DLGAP2: variants seen among roughly 807,000 people sequenced by gnomAD.
DLGAP2 encodes disks large-associated protein 2.
Under a neutral mutation model 100.3 loss-of-function variants are expected in DLGAP2, and 26 were observed. The observed-to-expected ratio is 0.26, with a 90% CI of 0.19 to 0.36. DLGAP2 has a LOEUF of 0.36. Among genes scored for constraint, DLGAP2 ranks in the 10% least tolerant of loss-of-function variants. The pLI, the probability that DLGAP2 is intolerant of heterozygous loss-of-function variation, is 1.00. For synonymous variants in DLGAP2, 886 were observed against 630.1 expected, an observed-to-expected ratio of 1.41 and a Z score of -6.08; for missense variants, 1,858 against 1,453.2, an observed-to-expected ratio of 1.28 and a Z score of -4.53.
chr8:796,798 C>T (rs910961536), intron 1 of DLGAP2, among the ~76,000 whole-genome samples: 3 of 152,200 alleles, frequency 2.0e-5, no homozygotes, highest in African/African-American at 7.2e-5. Flanking sequence ...GCTACATCTC[C>T]ACTGGCACCA....
intron 1 of DLGAP2, among the ~76,000 whole-genome samples, chr8:817,090 A>T (rs1268887828): frequency 6.6e-6 from 1 of 150,712 alleles, no homozygotes; most frequent in African/African-American, 2.4e-5. Flanking sequence ...TCAGTGAGCC[A>T]AGATCGCGCC....
At chr8:1,090,654 A>G (rs985808786) in intron 2 of DLGAP2, among the ~76,000 whole-genome samples, 2 of 152,208 alleles carry the variant, frequency 1.3e-5, no homozygotes, top group Non-Finnish European at 2.9e-5. Context: ...GGGCCTCCAG[A>G]GGCTGCTGTG....
At chr8:834,134 T>G (rs1274695512) in intron 1 of DLGAP2, among the ~76,000 whole-genome samples, 1 of 152,148 alleles carries the variant, frequency 6.6e-6, no homozygotes, top group Non-Finnish European at 1.5e-5. Context: ...AGCAAGCTCG[T>G]CTCAGGATGC....
intron 6 of DLGAP2, among the ~76,000 whole-genome samples, chr8:1,569,392 T>C (rs1226441204): frequency 6.6e-6 from 1 of 152,232 alleles, no homozygotes; most frequent in Non-Finnish European, 1.5e-5. Context: ...AGCAGCCATG[T>C]GATGGGTCTG....
At chr8:1,025,086 G>A (rs187555802) in intron 2 of DLGAP2, among the ~76,000 whole-genome samples, 12 of 151,814 alleles carry the variant, frequency 7.9e-5, no homozygotes, top group South Asian at 2.1e-4. Flanking sequence ...GTGTGTGTGC[G>A]CGTGTATGTG....
chr8:949,573 C>T (rs1472602712), intron 2 of DLGAP2, among the ~76,000 whole-genome samples: 1 of 152,188 alleles, frequency 6.6e-6, no homozygotes, highest in Admixed American at 6.5e-5. Context: ...CACGTGGGCG[C>T]GTGCCAGGGC....
Position 1,670,368 on chromosome 8 carries a change from C to T in DLGAP2, c.2202+584C>T, listed in dbSNP as rs1256805642. Reference sequence around the variant, plus strand: ...GGTCAGCCCTCTTCCGCTCCCAGCTCCCACCCCTGGCATGGCAGCCTCTGC... The same window carrying T: ...GGTCAGCCCTCTTCCGCTCCCAGCTTCCACCCCTGGCATGGCAGCCTCTGC... On this transcript the variant is annotated intron_variant, in intron 10 of 14. Transcript: ENST00000637795. Among the ~76,000 whole-genome samples, 3 of 152,216 alleles carry T rather than the reference C, an allele frequency of 2.0e-5. 1 individual carries two copies. Among genetic ancestry groups the T allele is most frequent in the Non-Finnish European group, 4.4e-5 (3 of 68,042 alleles).
At chr8:1,464,353 C>CCTTTTAGGACGACACT (rs1798557590) in intron 3 of DLGAP2, among the ~76,000 whole-genome samples, 1 of 146,250 alleles carries the variant, frequency 6.8e-6, no homozygotes, top group African/African-American at 2.5e-5. Context: ...AGGACGGCAC[C>CCTTTTAGGACGACACT]CTTCCAGGAC....
chr8:1,421,204 A>G (rs1157188106), intron 3 of DLGAP2, among the ~76,000 whole-genome samples: 1 of 152,228 alleles, frequency 6.6e-6, no homozygotes, highest in Non-Finnish European at 1.5e-5. Context: ...TAGCTCTAAC[A>G]TCTGAGTGTT....
At chr8:1,589,670 A>T (rs1377702834) in intron 6 of DLGAP2, among the ~76,000 whole-genome samples, 1 of 152,104 alleles carries the variant, frequency 6.6e-6, no homozygotes, top group Non-Finnish European at 1.5e-5. Context: ...CTGGTCTCAA[A>T]CTCCTGGGCT....
At chr8:1,048,237 T>A (rs952673634) in intron 2 of DLGAP2, among the ~76,000 whole-genome samples, 5 of 152,132 alleles carry the variant, frequency 3.3e-5, no homozygotes, top group Admixed American at 2.6e-4. Context: ...CCGGCGCGTG[T>A]TCTCATTCCA....
At chr8:878,401 C>T (rs201078010) in intron 1 of DLGAP2, among the ~76,000 whole-genome samples, 2 of 152,160 alleles carry the variant, frequency 1.3e-5, no homozygotes. Context: ...ATGCTTTGCT[C>T]TTCCTTGTGA....
At chr8:921,838 C>G (rs1417032996) in intron 2 of DLGAP2, among the ~76,000 whole-genome samples, 2 of 152,258 alleles carry the variant, frequency 1.3e-5, no homozygotes, top group Non-Finnish European at 2.9e-5. Flanking sequence ...CCAGGGTCCT[C>G]ACCCACCGCT....
chr8:1,190,595 C>A (rs1797612621), intron 2 of DLGAP2, among the ~76,000 whole-genome samples: 1 of 152,188 alleles, frequency 6.6e-6, no homozygotes, highest in Non-Finnish European at 1.5e-5. Flanking sequence ...TCGCAATCAG[C>A]ATTGAGAGCC....
chr8:1,188,286 C>T (rs1181327261), intron 2 of DLGAP2, among the ~76,000 whole-genome samples: 2 of 133,866 alleles, frequency 1.5e-5, no homozygotes, highest in Non-Finnish European at 3.1e-5. Context: ...GTGACGTTTG[C>T]CTCACAGAAT....
chr8:909,789 A>G (rs1424849483), intron 2 of DLGAP2, among the ~76,000 whole-genome samples: 1 of 152,226 alleles, frequency 6.6e-6, no homozygotes, highest in Non-Finnish European at 1.5e-5. Flanking sequence ...GTGTAAGTCC[A>G]TGCAGAATGG....
intron 6 of DLGAP2, among the ~76,000 whole-genome samples, chr8:1,577,692 CA>C (rs1563232482): frequency 6.6e-6 from 1 of 152,138 alleles, no homozygotes; most frequent in African/African-American, 2.4e-5. Flanking sequence ...GGTGTCCCTG[CA>C]GCAGGGACAG....
intron 4 of DLGAP2, among the ~76,000 whole-genome samples, chr8:1,509,693 T>C (rs994509652): frequency 1.3e-5 from 2 of 152,138 alleles, no homozygotes; most frequent in African/African-American, 4.8e-5. Context: ...TCATTCTTTG[T>C]TTGTTAACAA....
intron 2 of DLGAP2, among the ~76,000 whole-genome samples, chr8:973,310 C>A (rs1196985381): frequency 6.6e-6 from 1 of 151,384 alleles, no homozygotes; most frequent in Non-Finnish European, 1.5e-5. Context: ...CCCCCCACCT[C>A]CCAGACAGGG....
Sources: allele counts gnomAD v4.1 joint callset (sites outside exome capture counted in the v4.1 genomes callset), GRCh38; gene constraint gnomAD v4.1.1; transcripts MANE v1.5; gene names NCBI Gene and HGNC (gene_info 2026-07-23, HGNC 2026-07-21).